GLUD1: variants seen among roughly 807,000 people sequenced by gnomAD.
The protein encoded by GLUD1 is glutamate dehydrogenase 1, also known as glutamate dehydrogenase 1, mitochondrial.
GLUD1 carries 22 observed loss-of-function variants against 56.0 expected under a neutral mutation model. The observed-to-expected ratio is 0.39, with a 90% CI of 0.28 to 0.56. The LOEUF is 0.56. GLUD1 is among the 20% of genes least tolerant of loss of function. GLUD1 has a pLI of 0.58. For missense variants in GLUD1, 451 were observed against 732.0 expected, an observed-to-expected ratio of 0.62 and a Z score of 4.43; for synonymous variants, 223 against 269.9, an observed-to-expected ratio of 0.83 and a Z score of 1.70.
At chr10:87,086,850 A>C (rs925075177) in intron 1 of GLUD1, among the ~76,000 whole-genome samples, 5 of 152,030 alleles carry the variant, frequency 3.3e-5, no homozygotes, top group Admixed American at 1.3e-4. Flanking sequence ...AAAAAAAAAA[A>C]AGGAAAAAAT....
intron 1 of GLUD1, among the ~76,000 whole-genome samples, chr10:87,092,429 T>C (rs1015286950): frequency 6.6e-6 from 1 of 152,188 alleles, no homozygotes; most frequent in African/African-American, 2.4e-5. Flanking sequence ...TGTTTTTTTG[T>C]AAATGGGATA....
chr10:87,055,726 A>C (rs1000181652), intron 11 of GLUD1, among the ~76,000 whole-genome samples: 6 of 152,210 alleles, frequency 3.9e-5, no homozygotes, highest in African/African-American at 1.4e-4. Context: ...AGAATGGGTA[A>C]AGCATTTTTT....
chr10:87,072,106 C>T (rs1435940197), intron 4 of GLUD1, among the ~76,000 whole-genome samples: 1 of 152,050 alleles, frequency 6.6e-6, no homozygotes, highest in Non-Finnish European at 1.5e-5. Context: ...GACCGTGTCT[C>T]CACAAAAAAT....
At chr10:87,059,754 G>A (rs1343346682) in intron 9 of GLUD1, among the ~76,000 whole-genome samples, 1 of 152,194 alleles carries the variant, frequency 6.6e-6, no homozygotes, top group Non-Finnish European at 1.5e-5. Flanking sequence ...ACTTTTTGGT[G>A]TAGACTCATT....
chr10:87,087,728 C>T (rs1165026941), intron 1 of GLUD1, among the ~76,000 whole-genome samples: 2 of 152,220 alleles, frequency 1.3e-5, no homozygotes, highest in East Asian at 3.8e-4. Flanking sequence ...GAAGCCACCC[C>T]CTCTTTATCT....
chr10:87,058,026 G>A (rs573086865), intron 10 of GLUD1, among the ~76,000 whole-genome samples: 2 of 152,110 alleles, frequency 1.3e-5, no homozygotes, highest in South Asian at 2.1e-4. Flanking sequence ...GCGCCACCAC[G>A]CCCAGCTAAT....
rs1306960917 is a variant in GLUD1, at chr10:87,068,128, T to C, written c.676A>G (p.Met226Val). The change falls in exon 5 of 13, where the codon ATG becomes GTG. Residue 226 changes from methionine to valine, a missense_variant. Around this residue, in one of 4 missense-constraint regions of GLUD1, gnomAD observed 248 missense variants for 460.0 expected, o/e 0.54. Coordinates refer to ENST00000277865, the MANE Select transcript of GLUD1 (RefSeq NM_005271.5). Reference sequence around the variant, plus strand: ...GACATCTCCCGCTCACCTGTGCTCATGTCTGGAGCAGGCACATCAATGCCA... The same window carrying C: ...GACATCTCCCGCTCACCTGTGCTCACGTCTGGAGCAGGCACATCAATGCCA... ...GPGIDVPAPD[M>V]STGEREMSWI... The C allele has an allele frequency of 6.2e-7, 1 of 1,612,876 alleles. No individual in the cohort carries two copies. Among genetic ancestry groups the C allele is most frequent in the Non-Finnish European group, 8.5e-7 (1 of 1,178,840 alleles).
At chr10:87,092,489 G>T in intron 1 of GLUD1, 1 of 176,120 alleles carries the variant, frequency 5.7e-6, no homozygotes, top group Non-Finnish European at 1.1e-5. Context: ...AAGTGCTACA[G>T]TAACAGTGCT....
At position 87,057,691 on chromosome 10, in the gene GLUD1, C is replaced by T. The variant is rs759865842; in HGVS notation, c.1494G>A (p.Ser498=). The change falls in exon 11 of 13, where the codon TCG becomes TCA. Residue 498 remains serine, a splice_region_variant and synonymous_variant. Coordinates refer to ENST00000277865, the MANE Select transcript of GLUD1 (RefSeq NM_005271.5). ...ACAACTGTGGGGTCACCACACTCAC[C>T]GATATCCTGTCTTGGAACTCTGCCG... is the stretch of plus-strand genomic sequence containing the variant. ...VPTAEFQDRI[S]GASEKDIVHS... is the part of the protein sequence containing the mutation. 1.5e-5 allele frequency: 22 copies of T among 1,513,286 alleles called. No individual in the cohort carries two copies. The highest frequency in any genetic ancestry group is 2.2e-5 in the East Asian group (1 of 44,462). The allele number at this position is 1,513,286 out of a possible 1,614,324, so 93.7% of individuals were successfully genotyped here. A position where few individuals can be genotyped will look rare whatever the true frequency, so the allele number is the denominator to read the frequency against.
rs1356611198 is a variant in GLUD1, at chr10:87,051,857, G to A, written c.1571C>T (p.Thr524Ile). The change falls in exon 13 of 13, where the codon ACA (threonine) becomes ATA (isoleucine). Residue 524 changes from threonine to isoleucine, a missense_variant. By Grantham distance (89) the Thr-to-Ile change is moderately conservative. Coordinates refer to ENST00000277865, the MANE Select transcript of GLUD1 (RefSeq NM_005271.5). ...MERSARQIMR[T>I]AMKYNLGLDL... ...CAATCCCAGGTTATACTTCATGGCT[G>A]TGCGCATAATTTGCTGAAATGAAAG... The A allele has an allele frequency of 1.2e-6, 2 of 1,614,076 alleles. No individual in the cohort carries two copies. Among genetic ancestry groups the A allele is most frequent in the East Asian group, 2.2e-5 (1 of 44,898 alleles).
rs540442026 is a variant in GLUD1, at chr10:87,091,246, G to C, written c.445+3079C>G. Reference sequence around the variant, plus strand: ...ATAGTTTTAATATCAAGACAACTGGGGGGGGGCAGACTGGAAGAGAAAGTT... The same window carrying C: ...ATAGTTTTAATATCAAGACAACTGGCGGGGGGCAGACTGGAAGAGAAAGTT... On this transcript the variant is annotated intron_variant, in intron 1 of 12. Transcript: ENST00000277865. Among the ~76,000 whole-genome samples, 247 of 152,074 alleles carry C rather than the reference G, an allele frequency of 1.6e-3. 1 individual carries two copies. The highest frequency in any genetic ancestry group is 5.6e-3 in the African/African-American group (231 of 41,476).
Position 87,094,181 on chromosome 10 carries a change from C to T in GLUD1, c.445+144G>A, listed in dbSNP as rs1317080473. On this transcript the variant is annotated intron_variant, in intron 1 of 12. Transcript: ENST00000277865. This position sits in a 1 kb window ranked among gnomAD's most constrained non-coding sequence, Gnocchi z 6.6. ...CACCATCCACAGAGCCGGCCACATC[C>T]GAGGCGGGGTGACCCGGGCGGGGAC... 1 of 1,388,236 alleles carries T rather than the reference C, an allele frequency of 7.2e-7. No individual in the cohort carries two copies. The highest frequency in any genetic ancestry group is 9.6e-7 in the Non-Finnish European group (1 of 1,045,938). The allele number at this position is 1,388,236 out of a possible 1,614,324, so 86.0% of individuals were successfully genotyped here.
chr10:87,070,573 T>C (rs1273945799), intron 4 of GLUD1, among the ~76,000 whole-genome samples: 2 of 152,084 alleles, frequency 1.3e-5, no homozygotes, highest in African/African-American at 4.8e-5. Context: ...AGCTCCAGCC[T>C]GGTGACAGAG....
chr10:87,091,221 A>C (rs1036657803), intron 1 of GLUD1, among the ~76,000 whole-genome samples: 2 of 136,064 alleles, frequency 1.5e-5, no homozygotes, highest in African/African-American at 5.7e-5. Context: ...GGGAATTTTA[A>C]TAGTTTTAAT....
intron 1 of GLUD1, among the ~76,000 whole-genome samples, chr10:87,090,187 T>C (rs536657127): frequency 1.6e-4 from 24 of 152,334 alleles, no homozygotes; most frequent in Admixed American, 1.4e-3. Flanking sequence ...TTAGTATTTT[T>C]AACATAAGTA....
intron 1 of GLUD1, among the ~76,000 whole-genome samples, chr10:87,088,126 C>T (rs1841427532): frequency 6.6e-6 from 1 of 150,468 alleles, no homozygotes; most frequent in Non-Finnish European, 1.5e-5. Context: ...CAAGATTGTC[C>T]TTGGTTTCCT....
rs1209951106 is a variant in GLUD1 at position 87,094,312 on chromosome 10, G to A, written c.445+13C>T. ...AGGCAGGGAGGGCGGGACGGGGCCC[G>A]GCCGACGCTCACCTCCCTTGCAGGG... On this transcript the variant is annotated intron_variant, in intron 1 of 12. Coordinates refer to ENST00000277865, the MANE Select transcript of GLUD1 (RefSeq NM_005271.5). The surrounding 1 kb of genome is among the most constrained non-coding windows in gnomAD (Gnocchi z 6.6). 3 of 1,596,670 alleles carry A rather than the reference G, an allele frequency of 1.9e-6. No individual in the cohort carries two copies. Among genetic ancestry groups the A allele is most frequent in the Middle Eastern group, 2.1e-4 (1 of 4,652 alleles).
At position 87,076,614 on chromosome 10, in the gene GLUD1, G is replaced by A. The variant is rs758460269; in HGVS notation, c.488C>T (p.Ala163Val). 6.2e-7 allele frequency: 1 copy of A among 1,610,004 alleles called. No homozygotes were observed. The highest frequency in any genetic ancestry group is 8.5e-7 in the Non-Finnish European group (1 of 1,176,302). ...STDVSVDEVK[A>V]LASLMTYKCA... ...CTTGTATGTCATCAGAGAAGCCAAA[G>A]CTTTTACTTCATCTACACTCACATC... The change falls in exon 2 of 13, where the codon GCT (alanine) becomes GTT (valine). Residue 163 changes from alanine to valine, a missense_variant. By Grantham distance (64) the Ala-to-Val change is moderately conservative. Coordinates refer to ENST00000277865, the MANE Select transcript of GLUD1 (RefSeq NM_005271.5).
chr10:87,094,329 C>T lies in GLUD1; in HGVS notation c.441G>A (p.Lys147=), dbSNP rs762241167. 1 of 1,608,158 alleles carries T rather than the reference C, an allele frequency of 6.2e-7. No individual in the cohort carries two copies. The highest frequency in any genetic ancestry group is 1.1e-5 in the South Asian group (1 of 90,608). Reference sequence around the variant, plus strand: ...CGGGGCCCGGCCGACGCTCACCTCCCTTGCAGGGCGTGCGGTGCTGGCTGT... The same window carrying T: ...CGGGGCCCGGCCGACGCTCACCTCCTTTGCAGGGCGTGCGGTGCTGGCTGT... ...AQHSQHRTPC[K]GGIRYSTDVS... The change falls in exon 1 of 13, where the codon AAG becomes AAA. Residue 147 remains lysine, a synonymous_variant. Transcript: ENST00000277865. The surrounding 1 kb of genome is among the most constrained non-coding windows in gnomAD (Gnocchi z 6.6).
Sources: allele counts gnomAD v4.1 joint callset (sites outside exome capture counted in the v4.1 genomes callset), GRCh38; gene constraint gnomAD v4.1.1; regional missense constraint gnomAD v4.1.1; non-coding constraint Gnocchi (gnomAD v3.1); transcripts MANE v1.5; gene names NCBI Gene and HGNC (gene_info 2026-07-23, HGNC 2026-07-21).